The following FAXDC2 variants were observed in gnomAD, a reference collection of about 807,000 sequenced individuals.
The protein encoded by FAXDC2 is fatty acid hydroxylase domain-containing protein 2.
FAXDC2 carries 41 observed loss-of-function variants against 40.9 expected under a neutral mutation model. The observed-to-expected ratio is 1.00, with a 90% CI of 0.78 to 1.30. The LOEUF (loss-of-function observed/expected upper bound fraction) is 1.30. Ranked by LOEUF, FAXDC2 falls within the 50% of genes most tolerant of loss-of-function variation. The pLI, the probability that FAXDC2 is intolerant of heterozygous loss-of-function variation, is 0.00. For synonymous variants in FAXDC2, 157 were observed against 149.3 expected, an observed-to-expected ratio of 1.05 and a Z score of -0.38; for missense variants, 390 against 408.8, an observed-to-expected ratio of 0.95 and a Z score of 0.40.
intron 8 of FAXDC2, 196 bp downstream of exon 8, chr5:154,821,064 C>A (rs957244007): frequency 3.5e-6 from 2 of 567,956 alleles, no homozygotes; most frequent in Non-Finnish European, 6.3e-6. Flanking sequence ...GGTTTAAAAC[C>A]CCCAGTTGGA....
Position 154,832,370 on chromosome 5 carries a change from C to T in FAXDC2, c.245-1448G>A, listed in dbSNP as rs182716283. Among the ~76,000 whole-genome samples, 26 of 152,214 alleles carry T rather than the reference C, an allele frequency of 1.7e-4. 1 individual carries two copies. In the East Asian group the frequency reaches 4.8e-3, roughly 28 times the overall value. ...CTGGGACTACTGGCGCCCGCCACCG[C>T]GCCCGACTAATTTTTTGTATTTTTA... On this transcript the variant is annotated intron_variant, in intron 4 of 8. Coordinates refer to ENST00000326080, the MANE Select transcript of FAXDC2 (RefSeq NM_032385.5).
intron 1 of FAXDC2, among the ~76,000 whole-genome samples, chr5:154,844,888 T>C (rs1760563092): frequency 6.6e-6 from 1 of 152,048 alleles, no homozygotes; most frequent in Non-Finnish European, 1.5e-5. Context: ...TGAGACTGAG[T>C]GATTAGGGGC....
At chr5:154,847,053 T>C (rs920105847) in intron 1 of FAXDC2, among the ~76,000 whole-genome samples, 5 of 152,118 alleles carry the variant, frequency 3.3e-5, no homozygotes, top group African/African-American at 1.2e-4. Flanking sequence ...AGCCTCAATC[T>C]TCTATGCTCA....
rs552976933 is a variant in FAXDC2 at position 154,829,093 on chromosome 5, A to G, written c.366+1708T>C. On this transcript the variant is annotated intron_variant, in intron 5 of 8. Coordinates refer to ENST00000326080, the MANE Select transcript of FAXDC2 (RefSeq NM_032385.5). ...TTTTTAGTAGAGGCAGGGTTTTGCC[A>G]TGTTGCCCAGGCTGGTCTTGAACTC... Among the ~76,000 whole-genome samples the G allele has an allele frequency of 3.3e-5, 5 of 151,670 alleles. No homozygotes were observed. In the East Asian group the frequency reaches 9.7e-4, roughly 29 times the overall value.
At chr5:154,830,698 C>T in intron 5 of FAXDC2, 103 bp downstream of exon 5, 6 of 1,387,740 alleles carry the variant, frequency 4.3e-6, no homozygotes, top group Non-Finnish European at 6.0e-6. Flanking sequence ...AATAACTTGG[C>T]TCACACTGGC....
Position 154,820,480 on chromosome 5 carries a change from A to G in FAXDC2, c.846-8T>C. On this transcript the variant is annotated splice_polypyrimidine_tract_variant and splice_region_variant and intron_variant, in intron 8 of 8. Transcript: ENST00000326080. Reference sequence around the variant, plus strand: ...CCATAGCACTGGTTGAACCTAGAAGAGAGAGGACGGCACTGCAGTGCCCAT... The same window carrying G: ...CCATAGCACTGGTTGAACCTAGAAGGGAGAGGACGGCACTGCAGTGCCCAT... The G allele has an allele frequency of 6.2e-7, 1 of 1,604,434 alleles. No homozygotes were observed. The highest frequency in any genetic ancestry group is 8.5e-7 in the Non-Finnish European group (1 of 1,175,264).
intron 1 of FAXDC2, among the ~76,000 whole-genome samples, chr5:154,848,872 CAGG>C (rs1413589956): frequency 2.6e-5 from 4 of 151,902 alleles, no homozygotes; most frequent in Non-Finnish European, 5.9e-5. Context: ...GAGGCTGAGA[CAGG>C]AGAATCGCTT....
At chr5:154,821,748 C>G (rs1051727740) in intron 7 of FAXDC2, among the ~76,000 whole-genome samples, 25 of 151,694 alleles carry the variant, frequency 1.6e-4, no homozygotes, top group African/African-American at 5.8e-4. Context: ...GGGGTTCCAG[C>G]CAGTCTGGGC....
At chr5:154,844,656 C>A (rs1260376524) in intron 1 of FAXDC2, among the ~76,000 whole-genome samples, 1 of 152,124 alleles carries the variant, frequency 6.6e-6, no homozygotes, top group Non-Finnish European at 1.5e-5. Context: ...TCTATATATC[C>A]TTTTATTGGA....
intron 5 of FAXDC2, chr5:154,824,557 C>T: frequency 1.4e-6 from 1 of 702,588 alleles, no homozygotes. Flanking sequence ...GTCTCGCCAG[C>T]CTGTTGTGAG....
chr5:154,831,208 C>T (rs1205559668), intron 4 of FAXDC2: 2 of 256,168 alleles, frequency 7.8e-6, no homozygotes, highest in Non-Finnish European at 1.5e-5. Context: ...TATATAATAC[C>T]CTCTAAAATA....
At chr5:154,842,088 C>T (rs1042408455) in intron 1 of FAXDC2, among the ~76,000 whole-genome samples, 7 of 152,006 alleles carry the variant, frequency 4.6e-5, no homozygotes, top group Non-Finnish European at 1.0e-4. Flanking sequence ...TCCCAAAAAG[C>T]ATGGATCATT....
At chr5:154,825,070 A>AG (rs1302513413) in intron 5 of FAXDC2, among the ~76,000 whole-genome samples, 5 of 151,304 alleles carry the variant, frequency 3.3e-5, no homozygotes, top group African/African-American at 1.2e-4. Flanking sequence ...AAAAAAAAAA[A>AG]AAAAAAAAAA....
intron 4 of FAXDC2, among the ~76,000 whole-genome samples, chr5:154,833,879 A>G (rs1760254442): frequency 6.6e-6 from 1 of 151,264 alleles, no homozygotes; most frequent in African/African-American, 2.4e-5. Flanking sequence ...TATGTTGGCC[A>G]GGTTGGTCTC....
At chr5:154,823,701 G>T in intron 5 of FAXDC2, 109 bp from the exon 6 acceptor site, 1 of 872,496 alleles carries the variant, frequency 1.1e-6, no homozygotes, top group Admixed American at 2.2e-5. Flanking sequence ...GAGAGATGTC[G>T]GGGGACAGCC....
chr5:154,821,490 A>C (rs1759888747), intron 7 of FAXDC2, 64 bp from the exon 8 acceptor site: 1 of 1,366,156 alleles, frequency 7.3e-7, no homozygotes, highest in Non-Finnish European at 9.9e-7. Context: ...TTGGGTATAC[A>C]CTTAGTCCCA....
intron 5 of FAXDC2, among the ~76,000 whole-genome samples, chr5:154,826,541 A>G (rs979635889): frequency 1.3e-5 from 2 of 151,522 alleles, no homozygotes; most frequent in African/African-American, 4.9e-5. Flanking sequence ...AAAAAAAAAA[A>G]AAAAAGAAAA....
intron 1 of FAXDC2, among the ~76,000 whole-genome samples, chr5:154,841,968 T>A (rs1206104269): frequency 6.6e-6 from 1 of 152,060 alleles, no homozygotes; most frequent in Non-Finnish European, 1.5e-5. Context: ...GAACTCCTGA[T>A]GTCAGATGAT....
chr5:154,823,245 C>T, intron 6 of FAXDC2, 142 bp downstream of exon 6: 1 of 705,930 alleles, frequency 1.4e-6, no homozygotes, highest in Admixed American at 2.6e-5. Flanking sequence ...AACTCCTGGG[C>T]TCAAGTGATC....
Sources: allele counts gnomAD v4.1 joint callset (sites outside exome capture counted in the v4.1 genomes callset), GRCh38; gene constraint gnomAD v4.1.1; transcripts MANE v1.5; gene names NCBI Gene and HGNC (gene_info 2026-07-23, HGNC 2026-07-21).